The following TMEM59 variants were observed in gnomAD, a reference collection of about 807,000 sequenced individuals.
The protein encoded by TMEM59 is dendritic cell factor 1.
In TMEM59, 44 loss-of-function variants were observed where a neutral mutation model predicts 42.2. The ratio of observed to expected loss-of-function variants is 1.04; its 90% CI spans 0.82 to 1.34. TMEM59 has a LOEUF of 1.34. Among genes scored for constraint, TMEM59 ranks in the 40% most tolerant of loss-of-function variants. The pLI is 0.00. For synonymous variants in TMEM59, 148 were observed against 145.8 expected (o/e 1.02, Z -0.11); for missense variants, 359 against 382.8 (o/e 0.94, Z 0.52).
At position 54,032,255 on chromosome 1, in the gene TMEM59, G is replaced by A; in HGVS notation, c.867C>T (p.Asn289=). 2 of 1,612,672 alleles carry A rather than the reference G, an allele frequency of 1.2e-6. No individual in the cohort carries two copies. The highest frequency in any genetic ancestry group is 1.7e-6 in the Non-Finnish European group (2 of 1,179,294). Reference sequence around the variant, plus strand: ...CCACAAGAGAAGAAGCTGGATATCTGTTTAGCTTTTGTTCATTCATAAACT... The same window carrying A: ...CCACAAGAGAAGAAGCTGGATATCTATTTAGCTTTTGTTCATTCATAAACT... The part of the protein sequence containing the change: ...DLEFMNEQKL[N]RYPASSLVVV... The change falls in exon 8 of 8, where the codon AAC becomes AAT. Residue 289 remains asparagine, a synonymous_variant. Coordinates refer to ENST00000234831, the MANE Select transcript of TMEM59 (RefSeq NM_004872.5).
At chr1:54,039,492 C>T (rs751255167) in intron 6 of TMEM59, among the ~76,000 whole-genome samples, 1 of 152,118 alleles carries the variant, frequency 6.6e-6, no homozygotes, top group Admixed American at 6.5e-5. Context: ...TAGAAATGAA[C>T]GAAGGATAAA....
chr1:54,036,563 T>C (rs1557674302), intron 7 of TMEM59, 47 bp downstream of exon 7: 1 of 1,384,600 alleles, frequency 7.2e-7, no homozygotes, highest in South Asian at 1.4e-5. Flanking sequence ...GTGTTTAAAA[T>C]GATATATCAC....
In TMEM59 at chr1:54,028,470, G is replaced by A. The variant is rs1163760441; in HGVS notation, c.*3680C>T. The A allele has an allele frequency of 6.6e-6, 1 of 152,128 alleles. No individual in the cohort carries two copies. The allele number at this position is 152,128 out of a possible 1,614,324, so 9.4% of individuals were successfully genotyped here. ...TTCAGTGGCTCTCTACTGTGCTCAG[G>A]ATCAAGTGCAGGTTTAAAGTGCAGG... On this transcript the variant is annotated 3_prime_UTR_variant, in exon 8 of 8. Transcript: ENST00000234831.
chr1:54,046,346 A>C (rs1376100107), intron 2 of TMEM59, among the ~76,000 whole-genome samples: 1 of 152,232 alleles, frequency 6.6e-6, no homozygotes, highest in Non-Finnish European at 1.5e-5. Context: ...CTAACATCTG[A>C]AAGTCTAAGA....
At chr1:54,034,469 A>T (rs1454391406) in intron 7 of TMEM59, 2 of 152,286 alleles carry the variant, frequency 1.3e-5, no homozygotes, top group Middle Eastern at 3.4e-3. Flanking sequence ...TTCCAGTATG[A>T]GAGTAGCTTT....
At chr1:54,041,431 T>C (rs890396003) in intron 5 of TMEM59, among the ~76,000 whole-genome samples, 11 of 152,312 alleles carry the variant, frequency 7.2e-5, no homozygotes, top group African/African-American at 2.6e-4. Context: ...AGAATAGTGA[T>C]TTTCAAAGTG....
In TMEM59 at chr1:54,043,543, A is replaced by C. The variant is rs1225932981; in HGVS notation, c.391-18T>G. 7.0e-7 allele frequency: 1 copy of C among 1,420,626 alleles called. No homozygotes were observed. Among genetic ancestry groups the C allele is most frequent in the African/African-American group, 1.5e-5 (1 of 67,926 alleles). The allele number at this position is 1,420,626 out of a possible 1,614,324, so 88.0% of individuals were successfully genotyped here. Reference sequence around the variant, plus strand: ...GACATAAGCTAAAAATAAAATAAATAATGAGAAATATATTATTTTTATATA... The same window carrying C: ...GACATAAGCTAAAAATAAAATAAATCATGAGAAATATATTATTTTTATATA... On this transcript the variant is annotated intron_variant, in intron 3 of 7. Coordinates refer to ENST00000234831, the MANE Select transcript of TMEM59 (RefSeq NM_004872.5).
chr1:54,032,493 A>C (rs1050785735), intron 7 of TMEM59, among the ~76,000 whole-genome samples, 188 bp from the exon 8 acceptor site: 13 of 152,246 alleles, frequency 8.5e-5, no homozygotes, highest in African/African-American at 3.1e-4. Flanking sequence ...ATGGCCAAAG[A>C]AAGCTGTTCC....
chr1:54,046,956 C>T (rs1657359035), intron 2 of TMEM59, among the ~76,000 whole-genome samples: 1 of 152,184 alleles, frequency 6.6e-6, no homozygotes, highest in Non-Finnish European at 1.5e-5. Context: ...GAAAATTATA[C>T]TATCTGTGAA....
chr1:54,049,720 T>C (rs1019275004), intron 1 of TMEM59, among the ~76,000 whole-genome samples: 4 of 152,178 alleles, frequency 2.6e-5, no homozygotes, highest in African/African-American at 7.2e-5. Context: ...GGCTCATGCA[T>C]GTAATCCCGA....
intron 2 of TMEM59, among the ~76,000 whole-genome samples, chr1:54,046,608 G>A (rs1319143726): frequency 1.3e-5 from 2 of 152,152 alleles, no homozygotes; most frequent in Admixed American, 6.5e-5. Flanking sequence ...GCAAAAATAC[G>A]GTTATGATAT....
intron 5 of TMEM59, 127 bp from the exon 6 acceptor site, chr1:54,040,964 TATA>T: frequency 4.4e-6 from 3 of 688,768 alleles, no homozygotes; most frequent in South Asian, 1.8e-5. Flanking sequence ...TGATACATTT[TATA>T]ATGTGTACCA....
chr1:54,027,220 T>C lies in TMEM59; in HGVS notation c.*4930A>G, dbSNP rs958037631. 4 of 152,244 alleles carry C rather than the reference T, an allele frequency of 2.6e-5. No homozygotes were observed. The highest frequency in any genetic ancestry group is 6.5e-5 in the Admixed American group (1 of 15,278). 9.4% of individuals were successfully genotyped at this position (152,244 alleles called of 1,614,324 possible). ...TATTTCAAGATATGAATTTGAATTA[T>C]AGTAATTTTAGAACCACCATGCAGT... On this transcript the variant is annotated 3_prime_UTR_variant, in exon 8 of 8. Coordinates refer to ENST00000234831, the MANE Select transcript of TMEM59 (RefSeq NM_004872.5).
At position 54,043,487 on chromosome 1, in the gene TMEM59, A is replaced by C; in HGVS notation, c.429T>G (p.Pro143=). 6.5e-7 allele frequency: 1 copy of C among 1,546,646 alleles called. No individual in the cohort carries two copies. Among genetic ancestry groups the C allele is most frequent in the Non-Finnish European group, 8.7e-7 (1 of 1,145,254 alleles). ...TCCAGAATGACCTCACCAGAGTTAG[A>C]GGAAAGAGTAGGTGCATTTTTGGCA... is the stretch of plus-strand genomic sequence containing the variant. ...SLMPKMHLLF[P]LTLVRSFWSD... is the part of the protein sequence containing the mutation. Residue 143 remains proline, a synonymous_variant, in exon 4 of 8, where the codon CCT becomes CCG. Transcript: ENST00000234831.
At chr1:54,051,610 G>A (rs1482778052) in intron 1 of TMEM59, among the ~76,000 whole-genome samples, 1 of 152,034 alleles carries the variant, frequency 6.6e-6, no homozygotes, top group Non-Finnish European at 1.5e-5. Context: ...TCCCAAAAAA[G>A]GAAACAAACC....
chr1:54,041,658 C>T, intron 5 of TMEM59, 66 bp downstream of exon 5: 1 of 1,305,454 alleles, frequency 7.7e-7, no homozygotes, highest in South Asian at 1.2e-5. Context: ...ACAAACATGA[C>T]CAACTCTACT....
intron 5 of TMEM59, 68 bp downstream of exon 5, chr1:54,041,656 G>C (rs1657140406): frequency 7.8e-7 from 1 of 1,282,282 alleles, no homozygotes; most frequent in Non-Finnish European, 1.1e-6. Context: ...AAACAAACAT[G>C]ACCAACTCTA....
chr1:54,034,637 G>A (rs1404342794), intron 7 of TMEM59: 4 of 152,246 alleles, frequency 2.6e-5, no homozygotes, highest in Non-Finnish European at 5.9e-5. Flanking sequence ...AGCTGGGTGT[G>A]GTGGTGTGCG....
At chr1:54,046,615 A>T (rs1400191029) in intron 2 of TMEM59, among the ~76,000 whole-genome samples, 4 of 152,244 alleles carry the variant, frequency 2.6e-5, no homozygotes, top group Non-Finnish European at 4.4e-5. Context: ...TACGGTTATG[A>T]TATCAAAGAA....
Sources: gnomAD v4.1 joint callset for allele counts (sites outside exome capture counted in the v4.1 genomes callset) on GRCh38, gnomAD v4.1.1 for gene constraint, MANE v1.5 for transcripts, NCBI Gene and HGNC (gene_info 2026-07-23, HGNC 2026-07-21) for gene names.